Variants in XPNPEP1 observed in about 807,000 individuals in gnomAD.
XPNPEP1 encodes X-prolyl aminopeptidase 1, also known as xaa-Pro aminopeptidase 1.
A neutral mutation model predicts 92.4 loss-of-function variants in XPNPEP1; 39 were observed. The observed-to-expected ratio is 0.42, with a 90% CI of 0.33 to 0.55. The LOEUF (loss-of-function observed/expected upper bound fraction) is 0.55. XPNPEP1 is among the 20% of genes least tolerant of loss of function. The probability of loss-of-function intolerance (pLI) is 0.08; values close to 1 mark genes in which losing one functional copy is unlikely to be tolerated. For synonymous variants in XPNPEP1, 307 were observed against 299.4 expected (o/e 1.03, Z -0.26); for missense variants, 654 against 856.1 (o/e 0.76, Z 2.95).
In XPNPEP1 at chr10:109,923,461, C is replaced by T. The variant is rs1850676834; in HGVS notation, c.-28G>A. The T allele has an allele frequency of 7.1e-7, 1 of 1,406,346 alleles. No individual in the cohort carries two copies. 87.1% of individuals were successfully genotyped at this position (1,406,346 alleles called of 1,614,324 possible). A position where few individuals can be genotyped will look rare whatever the true frequency, so the allele number is the denominator to read the frequency against. On this transcript the variant is annotated 5_prime_UTR_variant, in exon 1 of 21. Coordinates refer to ENST00000502935, the MANE Select transcript of XPNPEP1 (RefSeq NM_020383.4). ...GGCGGTGACGTGCCCCAGCCCACGTCAGGGGAGCGCAGACCAGCTGATCAC... is the reference window on the plus strand; with the variant it reads ...GGCGGTGACGTGCCCCAGCCCACGTTAGGGGAGCGCAGACCAGCTGATCAC...
At chr10:109,907,922 C>T in intron 2 of XPNPEP1, 107 bp from the exon 3 acceptor site, 1 of 1,497,042 alleles carries the variant, frequency 6.7e-7, no homozygotes. Context: ...CTGCCCCACT[C>T]CCAGTTAGGT....
intron 11 of XPNPEP1, among the ~76,000 whole-genome samples, 159 bp downstream of exon 11, chr10:109,880,683 T>C (rs977138345): frequency 2.0e-5 from 3 of 152,212 alleles, no homozygotes; most frequent in Admixed American, 6.5e-5. Flanking sequence ...CCATCAAGTA[T>C]TTTATTTCAT....
rs529777972 is a variant in XPNPEP1, at chr10:109,905,908, G to C, written c.246+1783C>G. Among the ~76,000 whole-genome samples the C allele has an allele frequency of 2.0e-5, 3 of 152,260 alleles. No individual in the cohort carries two copies. In the East Asian group the frequency reaches 5.8e-4, roughly 29 times the overall value. On this transcript the variant is annotated intron_variant, in intron 3 of 20. Coordinates refer to ENST00000502935, the MANE Select transcript of XPNPEP1 (RefSeq NM_020383.4). ...GTTGCCTCAAATATCCGATCCCTTT[G>C]CTTATTCATTTCAAGCCCTTCATTT...
intron 3 of XPNPEP1, among the ~76,000 whole-genome samples, chr10:109,905,657 T>A (rs986371355): frequency 2.6e-5 from 4 of 152,234 alleles, no homozygotes; most frequent in African/African-American, 9.6e-5. Flanking sequence ...AATATGTGCA[T>A]GTAGTTAACA....
chr10:109,889,889 A>G (rs1273879510), intron 5 of XPNPEP1, among the ~76,000 whole-genome samples: 1 of 152,252 alleles, frequency 6.6e-6, no homozygotes, highest in Non-Finnish European at 1.5e-5. Context: ...CTAGAAGCTG[A>G]CATTGAGTTT....
At chr10:109,918,891 GGAAGGAAGGAAGGAAGGAAGGAAGGAGA>G (rs1564799267) in intron 1 of XPNPEP1, among the ~76,000 whole-genome samples, 2 of 91,452 alleles carry the variant, frequency 2.2e-5, no homozygotes, top group Non-Finnish European at 5.7e-5. Flanking sequence ...AAGGAAGGAA[GGAAGGAAGGAAGGAAGGAAGGAAGGAGA>G]GAGAGAAAAA....
intron 3 of XPNPEP1, among the ~76,000 whole-genome samples, chr10:109,899,224 C>T (rs2133481554): frequency 6.6e-6 from 1 of 152,276 alleles, no homozygotes; most frequent in South Asian, 2.1e-4. Flanking sequence ...AAGTAGCTGC[C>T]CAGCCAGGCC....
chr10:109,887,928 A>AG (rs1451050419), intron 7 of XPNPEP1, 121 bp downstream of exon 7: 2 of 1,404,314 alleles, frequency 1.4e-6, no homozygotes, highest in African/African-American at 1.4e-5. Context: ...GGGGCAGAGT[A>AG]GGGCAAAATC....
intron 1 of XPNPEP1, among the ~76,000 whole-genome samples, chr10:109,922,654 C>T (rs1402126990): frequency 6.6e-6 from 1 of 152,194 alleles, no homozygotes; most frequent in African/African-American, 2.4e-5. Context: ...TTGGGGATGG[C>T]CAGGGAGTCT....
At chr10:109,868,546 T>C (rs780487305) in intron 20 of XPNPEP1, 68 bp downstream of exon 20, 183 of 1,300,582 alleles carry the variant, frequency 1.4e-4, no homozygotes, top group Non-Finnish European at 1.9e-4. Flanking sequence ...AGAGGATGGA[T>C]TAGAACTATT....
intron 1 of XPNPEP1, among the ~76,000 whole-genome samples, chr10:109,915,765 G>A (rs1459297222): frequency 1.3e-5 from 2 of 151,994 alleles, no homozygotes; most frequent in Non-Finnish European, 2.9e-5. Flanking sequence ...TCCCATATGG[G>A]GATAGTCTAA....
At chr10:109,894,822 A>G (rs563715692) in intron 3 of XPNPEP1, among the ~76,000 whole-genome samples, 2 of 152,372 alleles carry the variant, frequency 1.3e-5, no homozygotes, top group African/African-American at 4.8e-5. Flanking sequence ...CCTAAAGCAT[A>G]AAGAACATTC....
At chr10:109,890,427 CAAAT>C (rs200406615) in intron 5 of XPNPEP1, among the ~76,000 whole-genome samples, 122 of 152,180 alleles carry the variant, frequency 8.0e-4, no homozygotes, top group East Asian at 5.6e-3. Flanking sequence ...ATATAAATAA[CAAAT>C]AAACAAACAT....
chr10:109,872,933 T>C (rs1847568118), intron 16 of XPNPEP1, among the ~76,000 whole-genome samples: 1 of 152,170 alleles, frequency 6.6e-6, no homozygotes, highest in African/African-American at 2.4e-5. Flanking sequence ...ATGCCAATCA[T>C]ACCAGAAACT....
chr10:109,872,719 A>G (rs1847556142), intron 16 of XPNPEP1, among the ~76,000 whole-genome samples: 1 of 152,372 alleles, frequency 6.6e-6, no homozygotes, highest in East Asian at 1.9e-4. Context: ...GCATTTGCTG[A>G]GCAGTGACTA....
chr10:109,918,716 G>A (rs147385625), intron 1 of XPNPEP1, among the ~76,000 whole-genome samples: 2,089 of 151,840 alleles, frequency 0.014, 51 homozygotes, highest in African/African-American at 0.048. Flanking sequence ...AGCTGAGATC[G>A]GGCCACTGCA....
At chr10:109,896,320 C>T (rs984264228) in intron 3 of XPNPEP1, among the ~76,000 whole-genome samples, 21 of 150,760 alleles carry the variant, frequency 1.4e-4, no homozygotes, top group Non-Finnish European at 2.7e-4. Context: ...CTTCTGTTAC[C>T]CTAGCTAGAG....
chr10:109,883,055 T>C (rs1030379925), intron 9 of XPNPEP1, among the ~76,000 whole-genome samples: 3 of 152,214 alleles, frequency 2.0e-5, no homozygotes, highest in African/African-American at 7.2e-5. Context: ...TAATATTCTT[T>C]ACAACTTGTA....
rs770607512 is a variant in XPNPEP1, at chr10:109,875,517, G to A, written c.1391+11C>T. On this transcript the variant is annotated intron_variant, in intron 15 of 20. Transcript: ENST00000502935. ...CATAGTCAAGTTCCACAGCAGTCCTGGTTTACTTACTTGTATTGAGCACCC... is the reference window on the plus strand; with the variant it reads ...CATAGTCAAGTTCCACAGCAGTCCTAGTTTACTTACTTGTATTGAGCACCC... 3 of 1,613,616 alleles carry A rather than the reference G, an allele frequency of 1.9e-6. No individual in the cohort carries two copies. In the African/African-American group the frequency reaches 4.0e-5, roughly 22 times the overall value.
Sources: gnomAD v4.1 joint callset for allele counts (sites outside exome capture counted in the v4.1 genomes callset) on GRCh38, gnomAD v4.1.1 for gene constraint, MANE v1.5 for transcripts, NCBI Gene and HGNC (gene_info 2026-07-23, HGNC 2026-07-21) for gene names.